Variants in SMARCA2 observed in about 807,000 individuals in gnomAD.
The protein encoded by SMARCA2 is SWI/SNF-related matrix-associated actin-dependent regulator of chromatin subfamily A member 2.
Under a neutral mutation model 199.8 loss-of-function variants are expected in SMARCA2, and 61 were observed. That is an observed-to-expected ratio of 0.31 (90% CI 0.25 to 0.38). The LOEUF is 0.38. Ranked by LOEUF, SMARCA2 falls within the 10% of genes least tolerant of loss-of-function variation. SMARCA2 has a pLI of 1.00. For synonymous variants in SMARCA2, 935 were observed against 732.0 expected (o/e 1.28, Z -4.48); for missense variants, 1,344 against 2,012.2 (o/e 0.67, Z 6.35).
intron 27 of SMARCA2, among the ~76,000 whole-genome samples, chr9:2,128,014 G>C (rs1025777480): frequency 2.0e-5 from 3 of 151,970 alleles, no homozygotes; most frequent in Non-Finnish European, 4.4e-5. Flanking sequence ...TATTTCCACT[G>C]AGGAAACTTA....
chr9:2,083,069 T>A (rs992965066), intron 15 of SMARCA2, among the ~76,000 whole-genome samples: 8 of 152,200 alleles, frequency 5.3e-5, no homozygotes, highest in African/African-American at 1.9e-4. Context: ...TTTTTTAATA[T>A]CATATTACAG....
At chr9:2,125,528 C>G (rs915141823) in intron 27 of SMARCA2, among the ~76,000 whole-genome samples, 3 of 142,344 alleles carry the variant, frequency 2.1e-5, no homozygotes, top group Non-Finnish European at 4.5e-5. Flanking sequence ...CTCTCTCTGT[C>G]ACTGAGGCTA....
At chr9:2,033,302 A>G (rs971403333) in intron 3 of SMARCA2, 9 of 493,454 alleles carry the variant, frequency 1.8e-5, no homozygotes, top group South Asian at 1.1e-4. Flanking sequence ...ACTAGCCACC[A>G]TGTGTCCAAG....
At chr9:2,034,854 A>G (rs1819252384) in intron 3 of SMARCA2, among the ~76,000 whole-genome samples, 1 of 152,156 alleles carries the variant, frequency 6.6e-6, no homozygotes, top group South Asian at 2.1e-4. Context: ...AATCTTGACC[A>G]TGTCAGAAGA....
At position 2,169,816 on chromosome 9, in the gene SMARCA2, A is replaced by C. The variant is rs529203613; in HGVS notation, c.4200-603A>C. ...TTCTAGAGGCTTGTAGAAGTGCCCA[A>C]GACGCCAGGTGGTGGTTTATTTTCA... On this transcript the variant is annotated intron_variant, in intron 28 of 33. Transcript: ENST00000349721. The surrounding 1 kb of genome is among the most constrained non-coding windows in gnomAD (Gnocchi z 6.5). Among the ~76,000 whole-genome samples the C allele has an allele frequency of 2.4e-4, 36 of 152,284 alleles. No individual in the cohort carries two copies. Among genetic ancestry groups the C allele is most frequent in the African/African-American group, 7.7e-4 (32 of 41,552 alleles).
chr9:2,115,950 T>C lies in SMARCA2; in HGVS notation c.3585T>C (p.Asp1195=). 6.8e-6 allele frequency: 11 copies of C among 1,613,894 alleles called. No homozygotes were observed. The highest frequency in any genetic ancestry group is 8.5e-6 in the Non-Finnish European group (10 of 1,179,982). Residue 1195 remains aspartate (D), a synonymous_variant, in exon 25 of 34, where the codon GAT becomes GAC. Coordinates refer to ENST00000349721, the MANE Select transcript of SMARCA2 (RefSeq NM_003070.5). This position sits in a 1 kb window ranked among gnomAD's most constrained non-coding sequence, Gnocchi z 6.0. ...LAAAKYKLNV[D]QKVIQAGMFD... ...CCGCAAAATACAAGCTGAACGTGGATCAGAAAGTGATCCAGGCGGGCATGT... is the reference window on the plus strand; with the variant it reads ...CCGCAAAATACAAGCTGAACGTGGACCAGAAAGTGATCCAGGCGGGCATGT...
intron 27 of SMARCA2, chr9:2,159,118 T>G: frequency 9.4e-7 from 1 of 1,059,004 alleles, no homozygotes; most frequent in Non-Finnish European, 1.4e-6. Context: ...TACTCACAGA[T>G]TTAGAGATTT....
At chr9:2,057,446 A>C (rs1223421863) in intron 7 of SMARCA2, among the ~76,000 whole-genome samples, 1 of 152,258 alleles carries the variant, frequency 6.6e-6, no homozygotes, top group Non-Finnish European at 1.5e-5. Context: ...ACAAACATTC[A>C]GTCCATAACA....
At position 2,076,288 on chromosome 9, in the gene SMARCA2, T is replaced by C; in HGVS notation, c.1995T>C (p.Asn665=). 6.2e-7 allele frequency: 1 copy of C among 1,610,834 alleles called. No individual in the cohort carries two copies. The highest frequency in any genetic ancestry group is 8.5e-7 in the Non-Finnish European group (1 of 1,176,988). The change falls in exon 13 of 34, where the codon AAT becomes AAC. Residue 665 remains asparagine, a synonymous_variant. Transcript: ENST00000349721. ...ETEEKILLDP[N]SEEVSEKDAK... Reference sequence around the variant, plus strand: ...AAGAGAAAATACTCCTGGATCCAAATAGCGAAGAAGTTTCTGAGAAGGATG... The same window carrying C: ...AAGAGAAAATACTCCTGGATCCAAACAGCGAAGAAGTTTCTGAGAAGGATG...
chr9:2,028,059 G>A (rs1209871623), intron 1 of SMARCA2, among the ~76,000 whole-genome samples: 1 of 152,234 alleles, frequency 6.6e-6, no homozygotes, highest in Non-Finnish European at 1.5e-5. Flanking sequence ...GTGGAATATA[G>A]TTCTGCTGAA....
At chr9:2,091,689 G>A (rs982059695) in intron 19 of SMARCA2, among the ~76,000 whole-genome samples, 1 of 152,168 alleles carries the variant, frequency 6.6e-6, no homozygotes, top group African/African-American at 2.4e-5. Flanking sequence ...TTGTTTCTTA[G>A]ACTGTCTGAA....
At chr9:2,032,020 C>T (rs1819093754) in intron 2 of SMARCA2, among the ~76,000 whole-genome samples, 1 of 152,150 alleles carries the variant, frequency 6.6e-6, no homozygotes, top group Non-Finnish European at 1.5e-5. Context: ...ATTTTTCTTC[C>T]AAACATCCTC....
Position 2,115,726 on chromosome 9 carries a change from A to C in SMARCA2, c.3457-96A>C. ...AATCTTACCTTAGTGAAGGTGAAAT[A>C]CAGAACCCTTCCATATTTCCCTCTG... On this transcript the variant is annotated intron_variant, in intron 24 of 33. Transcript: ENST00000349721. The surrounding 1 kb of genome is among the most constrained non-coding windows in gnomAD (Gnocchi z 6.0). 2.2e-6 allele frequency: 2 copies of C among 927,568 alleles called. No homozygotes were observed. Among genetic ancestry groups the C allele is most frequent in the Non-Finnish European group, 3.4e-6 (2 of 596,194 alleles). 57.5% of individuals were successfully genotyped at this position (927,568 alleles called of 1,614,324 possible). A position where few individuals can be genotyped will look rare whatever the true frequency, so the allele number is the denominator to read the frequency against.
intron 9 of SMARCA2, among the ~76,000 whole-genome samples, chr9:2,066,862 G>C (rs1178214708): frequency 6.6e-6 from 1 of 152,216 alleles, no homozygotes; most frequent in Non-Finnish European, 1.5e-5. Context: ...ACTGTCCGAA[G>C]TCAGCTCAAA....
At chr9:2,024,370 T>C (rs1003581283) in intron 1 of SMARCA2, among the ~76,000 whole-genome samples, 57 of 152,284 alleles carry the variant, frequency 3.7e-4, no homozygotes, top group African/African-American at 1.3e-3. Flanking sequence ...TCAATATTTT[T>C]ATCTTGTTGC....
intron 3 of SMARCA2, among the ~76,000 whole-genome samples, chr9:2,034,917 C>T (rs908164379): frequency 4.6e-5 from 7 of 152,156 alleles, no homozygotes; most frequent in Admixed American, 1.3e-4. Flanking sequence ...AGATTTGACT[C>T]ATTCACGGTT....
intron 2 of SMARCA2, among the ~76,000 whole-genome samples, chr9:2,031,744 A>G (rs1819080135): frequency 6.6e-6 from 1 of 152,124 alleles, no homozygotes; most frequent in Non-Finnish European, 1.5e-5. Context: ...AGCCCCTCAG[A>G]TAGTTCCCTG....
chr9:2,096,908 C>T (rs1022258319), intron 20 of SMARCA2, 144 bp downstream of exon 20: 3 of 636,078 alleles, frequency 4.7e-6, no homozygotes, highest in Admixed American at 2.5e-5. Flanking sequence ...TTATAGCTGC[C>T]AAAGATAATC....
In SMARCA2 at chr9:2,167,914, G is replaced by A. The variant is rs1201436533; in HGVS notation, c.4200-2505G>A. On this transcript the variant is annotated intron_variant, in intron 28 of 33. Transcript: ENST00000349721. The stretch of plus-strand genomic sequence containing the variant: ...GAGGTAGCTGGCCTGGGGAATTCAG[G>A]GAAGTAGGGGTCGTATGAGCCCCAT... Among the ~76,000 whole-genome samples, 7 of 152,252 alleles carry A rather than the reference G, an allele frequency of 4.6e-5. No individual in the cohort carries two copies. The East Asian group carries it at 1.2e-3, about 25-fold the overall frequency.
Sources: gnomAD v4.1 joint callset for allele counts (sites outside exome capture counted in the v4.1 genomes callset) on GRCh38, gnomAD v4.1.1 for gene constraint, Gnocchi (gnomAD v3.1) non-coding constraint, MANE v1.5 for transcripts, NCBI Gene and HGNC (gene_info 2026-07-23, HGNC 2026-07-21) for gene names.